BLTP1: variants seen among roughly 807,000 people sequenced by gnomAD.
BLTP1 encodes bridge-like lipid transfer protein family member 1, also known as fragile site-associated protein.
the BLTP1 span, among the ~76,000 whole-genome samples, chr4:122,283,478 G>A: frequency 6.6e-6 from 1 of 152,034 alleles, no homozygotes; most frequent in African/African-American, 2.4e-5. Flanking sequence ...GAATTGTCCT[G>A]GCTGTTTTTG....
the BLTP1 span, chr4:122,208,719 TATTC>T: frequency 1.1e-6 from 1 of 908,190 alleles, no homozygotes; most frequent in African/African-American, 1.8e-5. Flanking sequence ...TGTAAAATCT[TATTC>T]ATTATTTACC....
At chr4:122,346,823 C>T in the BLTP1 span, 6 of 1,566,362 alleles carry the variant, frequency 3.8e-6, no homozygotes, top group African/African-American at 1.4e-5. Flanking sequence ...ATTGATAACA[C>T]AAACGTGATC....
chr4:122,301,384 A>G, the BLTP1 span: 1 of 1,591,034 alleles, frequency 6.3e-7, no homozygotes, highest in Non-Finnish European at 8.6e-7. Context: ...TATTCCCTAA[A>G]CTTGCAGTTC....
At chr4:122,169,462 T>C in the BLTP1 span, 1 of 194,312 alleles carries the variant, frequency 5.1e-6, no homozygotes, top group African/African-American at 2.4e-5. Context: ...TGTAGGTCTC[T>C]TTGTGATTAA....
the BLTP1 span, among the ~76,000 whole-genome samples, chr4:122,167,187 A>G: frequency 6.6e-6 from 1 of 152,136 alleles, no homozygotes; most frequent in African/African-American, 2.4e-5. Flanking sequence ...ATTTACAGCT[A>G]TATTTATGTC....
the BLTP1 span, chr4:122,271,568 A>G: frequency 4.3e-6 from 7 of 1,613,502 alleles, no homozygotes; most frequent in Admixed American, 1.7e-5. Flanking sequence ...TCACATGACT[A>G]TTCATATGGA....
At chr4:122,362,146 A>T in the BLTP1 span, 1 of 1,613,646 alleles carries the variant, frequency 6.2e-7, no homozygotes, top group Non-Finnish European at 8.5e-7. Context: ...AAGAGGAGTC[A>T]TGGATCCACT....
the BLTP1 span, chr4:122,298,272 T>G: frequency 1.1e-6 from 1 of 919,030 alleles, no homozygotes; most frequent in Non-Finnish European, 1.3e-6. Flanking sequence ...GTTTGTTGTA[T>G]CTCATGATGA....
chr4:122,202,178 A>C, the BLTP1 span, among the ~76,000 whole-genome samples: 1 of 152,050 alleles, frequency 6.6e-6, no homozygotes, highest in Admixed American at 6.6e-5. Context: ...CTGGAGTTAC[A>C]TACTTCTCCA....
chr4:122,257,528 T>C, the BLTP1 span: 3 of 1,602,580 alleles, frequency 1.9e-6, no homozygotes, highest in Non-Finnish European at 2.6e-6. Flanking sequence ...AGTACTTTCT[T>C]ACACCTCACA....
the BLTP1 span, among the ~76,000 whole-genome samples, chr4:122,191,514 C>T: frequency 6.6e-6 from 1 of 152,118 alleles, no homozygotes. Context: ...ACTCAGTGAA[C>T]CCGTATTTCC....
At chr4:122,157,522 C>T in the BLTP1 span, among the ~76,000 whole-genome samples, 4 of 152,262 alleles carry the variant, frequency 2.6e-5, no homozygotes, top group East Asian at 5.8e-4. Context: ...AGGTGCAGTT[C>T]ATAATTGGGT....
At chr4:122,265,342 C>G in the BLTP1 span, among the ~76,000 whole-genome samples, 2 of 152,240 alleles carry the variant, frequency 1.3e-5, no homozygotes, top group East Asian at 3.9e-4. Flanking sequence ...AATTGTTACA[C>G]TGTATTGGGT....
the BLTP1 span, chr4:122,207,168 T>C: frequency 3.1e-6 from 5 of 1,611,454 alleles, no homozygotes; most frequent in Non-Finnish European, 4.2e-6. Context: ...TTGTTCCATA[T>C]ACGTGGAATT....
the BLTP1 span, chr4:122,264,393 A>G: frequency 3.1e-6 from 5 of 1,610,766 alleles, no homozygotes; most frequent in Non-Finnish European, 4.2e-6. Flanking sequence ...GAAGCAAACC[A>G]AGGGTTTCCT....
chr4:122,174,591 G>C, the BLTP1 span: 1 of 1,608,536 alleles, frequency 6.2e-7, no homozygotes, highest in Non-Finnish European at 8.5e-7. Flanking sequence ...CTCTTTCTCT[G>C]TTCTTTCTGG....
the BLTP1 span, chr4:122,197,101 A>G: frequency 2.8e-6 from 2 of 717,450 alleles, no homozygotes; most frequent in Non-Finnish European, 2.2e-6. Flanking sequence ...CTTACTTAAC[A>G]TCAATAATTT....
the BLTP1 span, among the ~76,000 whole-genome samples, chr4:122,361,617 G>T: frequency 0.049 from 7,464 of 152,080 alleles, 258 homozygotes; most frequent in Non-Finnish European, 0.074. Context: ...GAAATAGCAA[G>T]AATAGGGAAA....
At chr4:122,295,076 A>G in the BLTP1 span, among the ~76,000 whole-genome samples, 4 of 152,206 alleles carry the variant, frequency 2.6e-5, no homozygotes, top group Non-Finnish European at 5.9e-5. Context: ...AAAAAAGAAA[A>G]GGAACAAACA....
Sources: gnomAD v4.1 joint callset for allele counts (sites outside exome capture counted in the v4.1 genomes callset) on GRCh38, gnomAD v4.1.1 for gene constraint, MANE v1.5 for transcripts, NCBI Gene and HGNC (gene_info 2026-07-23, HGNC 2026-07-21) for gene names.